The following HIVEP2 variants were observed in gnomAD, a reference collection of about 807,000 sequenced individuals.
HIVEP2 encodes the protein HIVEP zinc finger 2.
A neutral mutation model predicts 180.7 loss-of-function variants in HIVEP2; 14 were observed. The observed-to-expected ratio is 0.08, with a 90% CI of 0.05 to 0.12. The LOEUF (loss-of-function observed/expected upper bound fraction) is 0.12. HIVEP2 is among the 10% of genes least tolerant of loss of function. The pLI, the probability that HIVEP2 is intolerant of heterozygous loss-of-function variation, is 1.00. For synonymous variants in HIVEP2, 1,184 were observed against 1,136.4 expected, an observed-to-expected ratio of 1.04 and a Z score of -0.84; for missense variants, 2,579 against 3,008.5, an observed-to-expected ratio of 0.86 and a Z score of 3.34.
At chr6:142,795,423 A>C (rs1160306850) in intron 2 of HIVEP2, among the ~76,000 whole-genome samples, 1 of 152,186 alleles carries the variant, frequency 6.6e-6, no homozygotes, top group Non-Finnish European at 1.5e-5. Flanking sequence ...AAACAAAAGT[A>C]GAGAAAAATA....
At chr6:142,838,024 C>G (rs1775268407) in intron 1 of HIVEP2, among the ~76,000 whole-genome samples, 1 of 152,066 alleles carries the variant, frequency 6.6e-6, no homozygotes, top group African/African-American at 2.4e-5. Context: ...TGGCCATGCA[C>G]TGCCACTCCC....
chr6:142,779,973 T>C (rs1384467712), intron 3 of HIVEP2, among the ~76,000 whole-genome samples: 1 of 152,184 alleles, frequency 6.6e-6, no homozygotes, highest in Non-Finnish European at 1.5e-5. Context: ...GACCATTAAG[T>C]TAATTGTTTA....
intron 1 of HIVEP2, among the ~76,000 whole-genome samples, chr6:142,881,902 A>G (rs1380811299): frequency 3.3e-5 from 5 of 152,174 alleles, no homozygotes; most frequent in African/African-American, 1.2e-4. Context: ...CAGTGGATCT[A>G]CACATCAGTT....
intron 1 of HIVEP2, among the ~76,000 whole-genome samples, chr6:142,887,028 G>T (rs1776715390): frequency 6.6e-6 from 1 of 152,102 alleles, no homozygotes; most frequent in Admixed American, 6.6e-5. Context: ...GAACCTAAAT[G>T]GAAATGTTCA....
intron 1 of HIVEP2, among the ~76,000 whole-genome samples, chr6:142,852,818 C>T (rs1408266019): frequency 6.6e-6 from 1 of 152,126 alleles, no homozygotes; most frequent in Non-Finnish European, 1.5e-5. Flanking sequence ...ACATAAGATA[C>T]TCAGAACTGG....
chr6:142,758,012 G>GGA lies in HIVEP2; in HGVS notation c.6516+1758_6516+1759dup, dbSNP rs1775121304. ...AGAACACAAGCTGCAGGGATGGCAG[G>GGA]GAGAGGCTCATCTAACACACTCTGC... On this transcript the variant is annotated intron_variant, in intron 9 of 9. Transcript: ENST00000367603. 3.4e-5 allele frequency among the ~76,000 whole-genome samples: 5 copies of GGA among 149,086 alleles called. No homozygotes were observed. The South Asian group carries it at 1.1e-3, about 31-fold the overall frequency.
intron 2 of HIVEP2, among the ~76,000 whole-genome samples, chr6:142,805,150 C>T (rs1776515019): frequency 6.6e-6 from 1 of 152,026 alleles, no homozygotes; most frequent in Non-Finnish European, 1.5e-5. Flanking sequence ...GGGCTGTAAA[C>T]AGGGGAGTAA....
chr6:142,894,350 A>G (rs936246833), intron 1 of HIVEP2, among the ~76,000 whole-genome samples: 5 of 152,180 alleles, frequency 3.3e-5, no homozygotes, highest in African/African-American at 1.2e-4. Flanking sequence ...ATTTCCTAAC[A>G]TAGCATAATA....
chr6:142,908,144 T>A (rs779373076), intron 1 of HIVEP2, among the ~76,000 whole-genome samples: 16 of 152,208 alleles, frequency 1.1e-4, no homozygotes, highest in Non-Finnish European at 2.4e-4. Flanking sequence ...CCTTGTATAT[T>A]TCCCATCTCC....
At chr6:142,930,125 G>T (rs1455580940) in intron 1 of HIVEP2, among the ~76,000 whole-genome samples, 2 of 152,072 alleles carry the variant, frequency 1.3e-5, no homozygotes, top group Admixed American at 1.3e-4. Flanking sequence ...CTATTTCCAT[G>T]ACACACTAAA....
intron 9 of HIVEP2, among the ~76,000 whole-genome samples, chr6:142,756,071 A>T (rs529301669): frequency 1.3e-4 from 20 of 152,364 alleles, no homozygotes; most frequent in Admixed American, 5.9e-4. Context: ...GTGAATTCAA[A>T]TGTAGATTAT....
intron 1 of HIVEP2, among the ~76,000 whole-genome samples, chr6:142,875,812 A>G (rs1776420328): frequency 6.6e-6 from 1 of 152,184 alleles, no homozygotes; most frequent in South Asian, 2.1e-4. Flanking sequence ...TCTTTTGCCT[A>G]TTTCAACTTT....
chr6:142,842,319 T>C (rs1278244894), intron 1 of HIVEP2, among the ~76,000 whole-genome samples: 2 of 152,216 alleles, frequency 1.3e-5, no homozygotes, highest in Non-Finnish European at 2.9e-5. Context: ...AATTTTGTTG[T>C]GCATGTTAAC....
At chr6:142,836,515 T>C (rs1268915027) in intron 2 of HIVEP2, among the ~76,000 whole-genome samples, 1 of 152,194 alleles carries the variant, frequency 6.6e-6, no homozygotes, top group Non-Finnish European at 1.5e-5. Context: ...AAAATGAGAA[T>C]GGTTTAAAAT....
chr6:142,835,974 T>A (rs555541105), intron 2 of HIVEP2, among the ~76,000 whole-genome samples: 1 of 152,232 alleles, frequency 6.6e-6, no homozygotes, highest in Non-Finnish European at 1.5e-5. Context: ...TTAGAAGCTG[T>A]CTTCCCAGAT....
chr6:142,875,461 T>A (rs531563427), intron 1 of HIVEP2, among the ~76,000 whole-genome samples: 1 of 152,296 alleles, frequency 6.6e-6, no homozygotes, highest in African/African-American at 2.4e-5. Flanking sequence ...GAGGGTATTA[T>A]ATAATTTATA....
chr6:142,821,055 C>G (rs1777020191), intron 2 of HIVEP2, among the ~76,000 whole-genome samples: 1 of 152,142 alleles, frequency 6.6e-6, no homozygotes, highest in African/African-American at 2.4e-5. Flanking sequence ...AAGATCAAGG[C>G]ACTGTCATGT....
At chr6:142,805,730 T>A (rs1052939977) in intron 2 of HIVEP2, among the ~76,000 whole-genome samples, 4 of 152,186 alleles carry the variant, frequency 2.6e-5, no homozygotes, top group Non-Finnish European at 4.4e-5. Context: ...CAAGAGCTCT[T>A]CAGACTGCAC....
At chr6:142,865,684 T>C (rs899251819) in intron 1 of HIVEP2, among the ~76,000 whole-genome samples, 11 of 152,116 alleles carry the variant, frequency 7.2e-5, no homozygotes, top group African/African-American at 2.7e-4. Flanking sequence ...CCCAGTACAT[T>C]GAAAAGAGGC....
Sources: allele counts gnomAD v4.1 joint callset (sites outside exome capture counted in the v4.1 genomes callset), GRCh38; gene constraint gnomAD v4.1.1; transcripts MANE v1.5; gene names NCBI Gene and HGNC (gene_info 2026-07-23, HGNC 2026-07-21).